The following PTPRZ1 variants were observed in gnomAD, a reference collection of about 807,000 sequenced individuals.
PTPRZ1 encodes the protein protein tyrosine phosphatase receptor type Z1.
PTPRZ1 carries 82 observed loss-of-function variants against 214.1 expected under a neutral mutation model. The observed-to-expected ratio is 0.38, with a 90% CI of 0.32 to 0.46. The LOEUF is 0.46. Ranked by LOEUF, PTPRZ1 falls within the 20% of genes least tolerant of loss-of-function variation. PTPRZ1 has a pLI of 1.00. For missense variants in PTPRZ1, 2,603 were observed against 2,748.7 expected (o/e 0.95, Z 1.19); for synonymous variants, 945 against 987.9 (o/e 0.96, Z 0.81).
intron 1 of PTPRZ1, among the ~76,000 whole-genome samples, chr7:121,874,762 C>T (rs1794001234): frequency 6.6e-6 from 1 of 152,090 alleles, no homozygotes; most frequent in South Asian, 2.1e-4. Context: ...TGGTGTGATG[C>T]ATAGTTGACA....
At position 121,874,922 on chromosome 7, in the gene PTPRZ1, G is replaced by A. The variant is rs1019451304; in HGVS notation, c.58+1365G>A. ...TTGTAGATCTATTTTAACAAAGAAG[G>A]CAGGTCCTCTTAGTAATTAAATTAT... is the stretch of plus-strand genomic sequence containing the variant. On this transcript the variant is annotated intron_variant, in intron 1 of 29. Transcript: ENST00000393386. Among the ~76,000 whole-genome samples, 8 of 152,008 alleles carry A rather than the reference G, an allele frequency of 5.3e-5. No homozygotes were observed. The East Asian group carries it at 1.5e-3, about 29-fold the overall frequency.
At chr7:121,914,437 T>C (rs551764538) in intron 1 of PTPRZ1, among the ~76,000 whole-genome samples, 16 of 152,318 alleles carry the variant, frequency 1.1e-4, no homozygotes, top group Non-Finnish European at 2.2e-4. Context: ...TCTTTCTTTT[T>C]GTCCTCAAAC....
intron 23 of PTPRZ1, among the ~76,000 whole-genome samples, chr7:122,049,929 G>C (rs1792116628): frequency 6.6e-6 from 1 of 152,138 alleles, no homozygotes; most frequent in African/African-American, 2.4e-5. Flanking sequence ...TCTAGCAGAG[G>C]AATGATGCAT....
chr7:121,988,244 G>A (rs910997998), intron 8 of PTPRZ1, among the ~76,000 whole-genome samples: 2 of 152,114 alleles, frequency 1.3e-5, no homozygotes, highest in South Asian at 2.1e-4. Flanking sequence ...CCCCTTCTAG[G>A]GGGGATCAGA....
At chr7:121,955,389 G>C (rs1291796590) in intron 2 of PTPRZ1, among the ~76,000 whole-genome samples, 1 of 152,128 alleles carries the variant, frequency 6.6e-6, no homozygotes, top group Non-Finnish European at 1.5e-5. Flanking sequence ...CAAGAAGAGA[G>C]ATTTTTATTT....
At chr7:121,946,331 T>C (rs1191047455) in intron 2 of PTPRZ1, among the ~76,000 whole-genome samples, 1 of 152,168 alleles carries the variant, frequency 6.6e-6, no homozygotes, top group Non-Finnish European at 1.5e-5. Flanking sequence ...CTAAGACCTG[T>C]ACCCCAGTGA....
chr7:121,995,986 T>G lies in PTPRZ1; in HGVS notation c.929-396T>G, dbSNP rs531652787. On this transcript the variant is annotated intron_variant, in intron 8 of 29. Coordinates refer to ENST00000393386, the MANE Select transcript of PTPRZ1 (RefSeq NM_002851.3). ...TAGGCAATATAGAACTACAGAGCTA[T>G]GGTTCTTATGTTTATAATCCACTAG... Among the ~76,000 whole-genome samples, 4 of 152,334 alleles carry G rather than the reference T, an allele frequency of 2.6e-5. No individual in the cohort carries two copies. The South Asian group carries it at 8.3e-4, about 32-fold the overall frequency.
chr7:121,994,663 C>G (rs1562850780), intron 8 of PTPRZ1, among the ~76,000 whole-genome samples: 1 of 152,100 alleles, frequency 6.6e-6, no homozygotes, highest in Non-Finnish European at 1.5e-5. Flanking sequence ...ACTTGGGATT[C>G]ATTAGAAGCA....
intron 1 of PTPRZ1, among the ~76,000 whole-genome samples, chr7:121,917,525 A>T (rs943254614): frequency 6.6e-6 from 1 of 152,178 alleles, no homozygotes; most frequent in African/African-American, 2.4e-5. Flanking sequence ...TTAAAACGAA[A>T]TTGCTTCACT....
intron 15 of PTPRZ1, chr7:122,031,836 T>C: frequency 5.4e-6 from 1 of 184,272 alleles, no homozygotes; most frequent in Non-Finnish European, 1.1e-5. Context: ...ATATTCTTTT[T>C]TAAAATCTGA....
chr7:121,965,644 G>A (rs1333675649), intron 2 of PTPRZ1, among the ~76,000 whole-genome samples: 4 of 152,118 alleles, frequency 2.6e-5, no homozygotes, highest in African/African-American at 4.8e-5. Flanking sequence ...TCAAGGAAGC[G>A]ACTCTCTCTT....
intron 2 of PTPRZ1, among the ~76,000 whole-genome samples, chr7:121,951,798 CCTT>C (rs1796548435): frequency 6.6e-6 from 1 of 152,164 alleles, no homozygotes; most frequent in Non-Finnish European, 1.5e-5. Flanking sequence ...TCCTGATAAA[CCTT>C]CTCTGTCCAG....
intron 2 of PTPRZ1, among the ~76,000 whole-genome samples, chr7:121,961,524 A>G (rs745518667): frequency 2.0e-5 from 3 of 152,124 alleles, no homozygotes; most frequent in Admixed American, 6.5e-5. Context: ...GCATTTGTCT[A>G]TTTATTTAAC....
At chr7:122,051,645 CA>C (rs1358055165) in intron 24 of PTPRZ1, 124 bp downstream of exon 24, 1 of 866,540 alleles carries the variant, frequency 1.2e-6, no homozygotes, top group African/African-American at 1.7e-5. Flanking sequence ...TAATTTTGTC[CA>C]ATATGTAACT....
intron 13 of PTPRZ1, among the ~76,000 whole-genome samples, chr7:122,022,018 T>C (rs907146357): frequency 1.3e-5 from 2 of 152,222 alleles, no homozygotes; most frequent in African/African-American, 4.8e-5. Flanking sequence ...GTAAACAATA[T>C]GATTTCACTA....
At chr7:121,973,253 G>T (rs1205723245) in intron 4 of PTPRZ1, among the ~76,000 whole-genome samples, 1 of 151,586 alleles carries the variant, frequency 6.6e-6, no homozygotes, top group African/African-American at 2.4e-5. Context: ...GAACCAAAAG[G>T]CAATGATTAT....
intron 18 of PTPRZ1, among the ~76,000 whole-genome samples, chr7:122,037,924 A>C (rs1052188944): frequency 2.0e-5 from 3 of 152,188 alleles, no homozygotes; most frequent in African/African-American, 7.2e-5. Flanking sequence ...AAGACTGGGT[A>C]ATTTATAAAG....
chr7:121,994,436 A>C (rs1179219028), intron 8 of PTPRZ1, among the ~76,000 whole-genome samples: 3 of 151,316 alleles, frequency 2.0e-5, no homozygotes, highest in Non-Finnish European at 4.4e-5. Context: ...CTGGGATTAC[A>C]GGCGCCCGCC....
chr7:122,018,031 A>G (rs1798897123), intron 12 of PTPRZ1, among the ~76,000 whole-genome samples: 1 of 152,198 alleles, frequency 6.6e-6, no homozygotes, highest in Admixed American at 6.5e-5. Flanking sequence ...TTTCTTAAAT[A>G]CATATTTAAG....
Sources: gnomAD v4.1 joint callset for allele counts (sites outside exome capture counted in the v4.1 genomes callset) on GRCh38, gnomAD v4.1.1 for gene constraint, MANE v1.5 for transcripts, NCBI Gene and HGNC (gene_info 2026-07-23, HGNC 2026-07-21) for gene names.